SYNE2: variants seen among roughly 807,000 people sequenced by gnomAD.
SYNE2 encodes spectrin repeat containing nuclear envelope protein 2, also known as nesprin-2.
Under a neutral mutation model 856.3 loss-of-function variants are expected in SYNE2, and 431 were observed. That is an observed-to-expected ratio of 0.50 (90% CI 0.47 to 0.55). The LOEUF (loss-of-function observed/expected upper bound fraction) is 0.55, where lower values mean the gene tolerates loss of function less well. Among genes scored for constraint, SYNE2 ranks in the 20% least tolerant of loss-of-function variants. The pLI is 0.00. For missense variants in SYNE2, 8,129 were observed against 8,023.2 expected (o/e 1.01, Z -0.50); for synonymous variants, 2,923 against 2,872.3 (o/e 1.02, Z -0.56).
chr14:64,047,958 GA>G, intron 45 of SYNE2, 41 bp from the exon 46 acceptor site: 1 of 1,600,494 alleles, frequency 6.2e-7, no homozygotes, highest in Non-Finnish European at 8.5e-7. Flanking sequence ...GATTTATTTG[GA>G]AAGTAGACTA....
At chr14:64,021,774 A>T in intron 36 of SYNE2, 83 bp from the exon 37 acceptor site, 1 of 1,482,150 alleles carries the variant, frequency 6.7e-7, no homozygotes, top group Non-Finnish European at 9.4e-7. Flanking sequence ...TGAGATTTTT[A>T]CAAAACAATT....
intron 99 of SYNE2, chr14:64,190,687 C>T (rs1181721174): frequency 2.9e-6 from 2 of 692,080 alleles, no homozygotes; most frequent in Non-Finnish European, 5.3e-6. Flanking sequence ...AAGGCAGGGG[C>T]AGGAGTCTAC....
In SYNE2 at chr14:64,211,955, T is replaced by C. The variant is rs2140199846; in HGVS notation, c.18724-6T>C. 2 of 1,614,086 alleles carry C rather than the reference T, an allele frequency of 1.2e-6. No homozygotes were observed. Among genetic ancestry groups the C allele is most frequent in the Non-Finnish European group, 8.5e-7 (1 of 1,180,002 alleles). ...TAGAAATGTGATTTCCTCCCCACTT[T>C]TGCAGCATTTCACCAACCAGAGGGA... On this transcript the variant is annotated splice_polypyrimidine_tract_variant and splice_region_variant and intron_variant, in intron 103 of 115. Transcript: ENST00000555002.
At chr14:63,920,304 G>T (rs2095584623) in intron 2 of SYNE2, among the ~76,000 whole-genome samples, 1 of 151,736 alleles carries the variant, frequency 6.6e-6, no homozygotes, top group South Asian at 2.1e-4. Context: ...CCTGAGGAAG[G>T]CTCCCCAGAG....
chr14:63,891,286 C>G (rs116803517), intron 1 of SYNE2, among the ~76,000 whole-genome samples: 1 of 152,106 alleles, frequency 6.6e-6, no homozygotes, highest in African/African-American at 2.4e-5. Context: ...AAATGTGGCA[C>G]GAGGAGGCGG....
intron 1 of SYNE2, among the ~76,000 whole-genome samples, chr14:63,805,598 A>G (rs532106065): frequency 5.7e-4 from 86 of 151,784 alleles, no homozygotes; most frequent in Non-Finnish European, 1.1e-3. Flanking sequence ...TGTGGTCTCT[A>G]TCTCCTGACC....
At chr14:64,212,699 A>G in intron 104 of SYNE2, 112 bp from the exon 105 acceptor site, 1 of 1,024,676 alleles carries the variant, frequency 9.8e-7, no homozygotes, top group Non-Finnish European at 1.5e-6. Context: ...TAGGTGAAGG[A>G]AAACAACAAT....
intron 71 of SYNE2, among the ~76,000 whole-genome samples, chr14:64,125,687 TGGG>T (rs2097937949): frequency 6.6e-6 from 1 of 152,094 alleles, no homozygotes; most frequent in African/African-American, 2.4e-5. Flanking sequence ...AGGGTAACTG[TGGG>T]TAAAGAAAAA....
At chr14:64,177,222 A>G in intron 95 of SYNE2, 136 bp from the exon 96 acceptor site, 3 of 1,087,166 alleles carry the variant, frequency 2.8e-6, no homozygotes, top group African/African-American at 1.6e-5. Context: ...TGCTTAAGAC[A>G]GGGAACTGGG....
At chr14:63,884,543 A>G (rs751109614) in intron 1 of SYNE2, among the ~76,000 whole-genome samples, 20 of 152,102 alleles carry the variant, frequency 1.3e-4, no homozygotes, top group Non-Finnish European at 2.4e-4. Context: ...AGATTGTGGC[A>G]CGGGGTGTGT....
In SYNE2 at chr14:64,226,020, A is replaced by AATTTTGAGCTGCCGGTT. The variant is rs1258587469; in HGVS notation, c.*497_*513dup. On this transcript the variant is annotated 3_prime_UTR_variant, in exon 116 of 116. Coordinates refer to ENST00000555002, the MANE Select transcript of SYNE2 (RefSeq NM_182914.3). ...ATCAGTTTTACTCCAATCAGCTGGC[A>AATTTTGAGCTGCCGGTT]ATTTTGAGCTGCCGGTTATACACCA... 1.3e-4 allele frequency: 28 copies of AATTTTGAGCTGCCGGTT among 216,572 alleles called. No homozygotes were observed. The highest frequency in any genetic ancestry group is 2.3e-4 in the Non-Finnish European group (25 of 107,538). 13.4% of individuals were successfully genotyped at this position (216,572 alleles called of 1,614,324 possible).
intron 41 of SYNE2, among the ~76,000 whole-genome samples, chr14:64,026,177 CAA>C (rs1396049046): frequency 7.9e-5 from 12 of 152,232 alleles, no homozygotes; most frequent in South Asian, 4.1e-4. Context: ...GGTAGAGAAA[CAA>C]GAGTTGACAT....
chr14:64,122,501 T>G (rs1412234456), intron 70 of SYNE2, 74 bp downstream of exon 70: 1 of 1,597,952 alleles, frequency 6.3e-7, no homozygotes, highest in Non-Finnish European at 8.6e-7. Flanking sequence ...TAAATAAACA[T>G]GTATATTCTC....
At chr14:63,870,668 TAAGTA>T (rs1896612564) in intron 1 of SYNE2, among the ~76,000 whole-genome samples, 1 of 146,916 alleles carries the variant, frequency 6.8e-6, no homozygotes, top group African/African-American at 2.6e-5. Flanking sequence ...TCAGAGAGGT[TAAGTA>T]ATTTGCCCAA....
At chr14:64,215,148 G>A in intron 106 of SYNE2, 138 bp from the exon 107 acceptor site, 2 of 847,002 alleles carry the variant, frequency 2.4e-6, no homozygotes, top group Non-Finnish European at 3.9e-6. Context: ...AAATCTTTCT[G>A]GTTTTCAAAA....
intron 45 of SYNE2, among the ~76,000 whole-genome samples, chr14:64,046,484 C>T (rs982510380): frequency 3.4e-4 from 52 of 152,302 alleles, no homozygotes; most frequent in African/African-American, 1.3e-3. Flanking sequence ...TCCTGAGTAG[C>T]TGGGACTACA....
chr14:64,068,649 C>G (rs2097375911), intron 51 of SYNE2, among the ~76,000 whole-genome samples: 1 of 151,978 alleles, frequency 6.6e-6, no homozygotes, highest in African/African-American at 2.4e-5. Context: ...ATCACGAGGT[C>G]AGGAGTTCAA....
intron 1 of SYNE2, among the ~76,000 whole-genome samples, chr14:63,762,544 T>A (rs891977010): frequency 6.0e-5 from 9 of 149,824 alleles, no homozygotes; most frequent in African/African-American, 2.2e-4. Context: ...GATCATTAAA[T>A]GCCTTGGCCA....
intron 34 of SYNE2, among the ~76,000 whole-genome samples, chr14:64,018,033 A>G (rs762426811): frequency 6.6e-6 from 1 of 152,200 alleles, no homozygotes; most frequent in Non-Finnish European, 1.5e-5. Flanking sequence ...TTTGATAACT[A>G]TCATGTAATT....
Sources: allele counts gnomAD v4.1 joint callset (sites outside exome capture counted in the v4.1 genomes callset), GRCh38; gene constraint gnomAD v4.1.1; transcripts MANE v1.5; gene names NCBI Gene and HGNC (gene_info 2026-07-23, HGNC 2026-07-21).